Variants in GRIK2 observed in about 807,000 individuals in gnomAD.
GRIK2 encodes glutamate receptor ionotropic, kainate 2.
GRIK2 carries 32 observed loss-of-function variants against 100.3 expected under a neutral mutation model. The observed-to-expected ratio is 0.32, with a 90% CI of 0.24 to 0.43. GRIK2 has a LOEUF of 0.43. Ranked by LOEUF, GRIK2 falls within the 20% of genes least tolerant of loss-of-function variation. The pLI, the probability that GRIK2 is intolerant of heterozygous loss-of-function variation, is 1.00. For synonymous variants in GRIK2, 417 were observed against 389.4 expected, an observed-to-expected ratio of 1.07 and a Z score of -0.83; for missense variants, 843 against 1,114.9, an observed-to-expected ratio of 0.76 and a Z score of 3.47.
intron 14 of GRIK2, among the ~76,000 whole-genome samples, chr6:102,021,309 A>C (rs1359063663): frequency 6.6e-6 from 1 of 151,670 alleles, no homozygotes; most frequent in Non-Finnish European, 1.5e-5. Context: ...AATAAATGTG[A>C]GTACTGAATT....
chr6:102,029,825 C>T (rs1425102607), intron 14 of GRIK2, among the ~76,000 whole-genome samples: 1 of 151,012 alleles, frequency 6.6e-6, no homozygotes, highest in African/African-American at 2.4e-5. Flanking sequence ...TATATATTTA[C>T]AGTGTTGGAG....
At chr6:101,724,639 T>C (rs1774733595) in intron 7 of GRIK2, among the ~76,000 whole-genome samples, 1 of 151,946 alleles carries the variant, frequency 6.6e-6, no homozygotes, top group Non-Finnish European at 1.5e-5. Context: ...TTAAAATAGA[T>C]TTATGGGATT....
At chr6:101,684,655 AT>A (rs1771542195) in intron 6 of GRIK2, among the ~76,000 whole-genome samples, 1 of 152,122 alleles carries the variant, frequency 6.6e-6, no homozygotes, top group South Asian at 2.1e-4. Context: ...AATGTATTTA[AT>A]ATAAATTTTA....
intron 7 of GRIK2, among the ~76,000 whole-genome samples, chr6:101,778,988 TTC>T (rs1778913235): frequency 6.6e-6 from 1 of 152,050 alleles, no homozygotes; most frequent in Non-Finnish European, 1.5e-5. Flanking sequence ...AATCTATTAT[TTC>T]TGTTTTTTAT....
chr6:101,527,965 G>A (rs2128283686), intron 2 of GRIK2, among the ~76,000 whole-genome samples: 1 of 152,214 alleles, frequency 6.6e-6, no homozygotes, highest in South Asian at 2.1e-4. Context: ...TCATGGAGGG[G>A]TGGCATGGAT....
At chr6:101,822,207 TACACACACACACACAC>T (rs58680927) in intron 10 of GRIK2, among the ~76,000 whole-genome samples, 2 of 143,256 alleles carry the variant, frequency 1.4e-5, no homozygotes, top group East Asian at 2.1e-4. Flanking sequence ...TGGAGAGTTT[TACACACACACACACAC>T]ACACACACAC....
chr6:101,851,790 G>C (rs1460549493), intron 10 of GRIK2, among the ~76,000 whole-genome samples: 1 of 143,918 alleles, frequency 6.9e-6, no homozygotes, highest in Non-Finnish European at 1.5e-5. Context: ...AAAAAAAAAA[G>C]TCATACAACA....
At position 101,833,397 on chromosome 6, in the gene GRIK2, A is replaced by T. The variant is rs1187068440; in HGVS notation, c.1317+14914A>T. 2.0e-5 allele frequency among the ~76,000 whole-genome samples: 3 copies of T among 151,174 alleles called. No individual in the cohort carries two copies. The East Asian group carries it at 5.9e-4, about 30-fold the overall frequency. On this transcript the variant is annotated intron_variant, in intron 10 of 16. Coordinates refer to ENST00000369134, the MANE Select transcript of GRIK2 (RefSeq NM_021956.5). ...AGGTGCCTACCACCATGCCCGGCTA[A>T]TTTTTTTTTGTATTTGTAGTAGAAA...
At chr6:101,539,978 T>C (rs1410915783) in intron 2 of GRIK2, among the ~76,000 whole-genome samples, 1 of 151,894 alleles carries the variant, frequency 6.6e-6, no homozygotes, top group East Asian at 1.9e-4. Flanking sequence ...AGAATAAGTG[T>C]GCATCCATTG....
At chr6:101,396,894 G>A (rs1775032090) in intron 1 of GRIK2, among the ~76,000 whole-genome samples, 1 of 142,036 alleles carries the variant, frequency 7.0e-6, no homozygotes, top group South Asian at 2.5e-4. Flanking sequence ...TGGTTCTTTG[G>A]GGATCAATTA....
intron 9 of GRIK2, among the ~76,000 whole-genome samples, chr6:101,808,716 C>A (rs111976786): frequency 0.026 from 3,893 of 151,742 alleles, 177 homozygotes; most frequent in African/African-American, 0.089. Flanking sequence ...CTCTAATAAA[C>A]CATTATTAAA....
At chr6:101,718,301 C>G (rs549267498) in intron 7 of GRIK2, among the ~76,000 whole-genome samples, 1 of 151,656 alleles carries the variant, frequency 6.6e-6, no homozygotes, top group Admixed American at 6.6e-5. Context: ...CAAAAAATAA[C>G]TAGAAAACCA....
intron 12 of GRIK2, among the ~76,000 whole-genome samples, chr6:101,915,969 T>G (rs1164530561): frequency 6.6e-6 from 1 of 151,454 alleles, no homozygotes; most frequent in East Asian, 1.9e-4. Context: ...GGCTCTTGCT[T>G]TTAGTATTTC....
At chr6:101,892,406 T>G (rs189453251) in intron 12 of GRIK2, among the ~76,000 whole-genome samples, 3 of 152,292 alleles carry the variant, frequency 2.0e-5, no homozygotes, top group Admixed American at 1.3e-4. Context: ...TGTAACTCAC[T>G]TGATAAACCA....
chr6:101,564,667 C>T (rs1003769435), intron 2 of GRIK2, among the ~76,000 whole-genome samples: 1 of 152,122 alleles, frequency 6.6e-6, no homozygotes, highest in African/African-American at 2.4e-5. Context: ...GCTATATAAA[C>T]CCCACTGCAC....
At chr6:101,833,270 C>T (rs965794434) in intron 10 of GRIK2, among the ~76,000 whole-genome samples, 2 of 152,046 alleles carry the variant, frequency 1.3e-5, no homozygotes, top group African/African-American at 2.4e-5. Context: ...CTTGCTCTGT[C>T]GCCCAGGCTG....
At chr6:101,650,851 A>G (rs1228178900) in intron 4 of GRIK2, among the ~76,000 whole-genome samples, 2 of 151,960 alleles carry the variant, frequency 1.3e-5, no homozygotes, top group Non-Finnish European at 2.9e-5. Flanking sequence ...AGTACATCCC[A>G]CGACCCATTC....
intron 10 of GRIK2, among the ~76,000 whole-genome samples, chr6:101,829,583 A>G (rs1478854071): frequency 1.3e-5 from 2 of 151,994 alleles, no homozygotes; most frequent in African/African-American, 2.4e-5. Context: ...AATCAGTTGC[A>G]TTTTTATACA....
At chr6:102,000,724 A>G (rs1400212697) in intron 14 of GRIK2, among the ~76,000 whole-genome samples, 1 of 152,118 alleles carries the variant, frequency 6.6e-6, no homozygotes, top group Non-Finnish European at 1.5e-5. Flanking sequence ...TGTAAAATCT[A>G]CAATGGTGTC....
Sources: allele counts gnomAD v4.1 joint callset (sites outside exome capture counted in the v4.1 genomes callset), GRCh38; gene constraint gnomAD v4.1.1; transcripts MANE v1.5; gene names NCBI Gene and HGNC (gene_info 2026-07-23, HGNC 2026-07-21).